Variants in C10orf67 observed in about 807,000 individuals in gnomAD.
C10orf67 encodes the protein uncharacterized protein C10orf67, mitochondrial.
Under a neutral mutation model 35.6 loss-of-function variants are expected in C10orf67, and 60 were observed. That is an observed-to-expected ratio of 1.68 (90% CI 1.37 to 2.09). The LOEUF is 2.09. Among genes scored for constraint, C10orf67 ranks in the 30% most tolerant of loss-of-function variants. The probability of loss-of-function intolerance (pLI) is 0.00; values close to 1 mark genes in which losing one functional copy is unlikely to be tolerated. For synonymous variants in C10orf67, 167 were observed against 115.8 expected (o/e 1.44, Z -2.84); for missense variants, 474 against 330.2 (o/e 1.44, Z -3.38).
rs1554817506 is a variant in C10orf67 at position 23,329,812 on chromosome 10, A to AAG, written c.327+3249_327+3250insCT. ...GAACTTGTCTCAAAAAAAAAAAAAAAAAAAGAAAAGAAAAGAAAAAAATTA... is the reference window on the plus strand; with the variant it reads ...GAACTTGTCTCAAAAAAAAAAAAAAAAGAAAAGAAAAGAAAAGAAAAAAATTA... On this transcript the variant is annotated intron_variant, in intron 2 of 15. Transcript: ENST00000636213. 1.3e-5 allele frequency among the ~76,000 whole-genome samples: 2 copies of AAG among 148,506 alleles called. 1 individual carries two copies. The highest frequency in any genetic ancestry group is 3.0e-5 in the Non-Finnish European group (2 of 67,464).
intron 4 of C10orf67, among the ~76,000 whole-genome samples, chr10:23,314,228 C>A (rs181566574): frequency 1.7e-4 from 26 of 152,040 alleles, no homozygotes; most frequent in Admixed American, 1.3e-4. Flanking sequence ...AACCAAACAA[C>A]AACAAAAAAC....
intron 7 of C10orf67, among the ~76,000 whole-genome samples, chr10:23,285,415 T>C (rs942566923): frequency 6.7e-6 from 1 of 149,670 alleles, no homozygotes; most frequent in African/African-American, 2.4e-5. Context: ...ATAACAAAGC[T>C]ATCAGAAATA....
Position 23,239,758 on chromosome 10 carries a change from C to G in C10orf67, c.1405G>C (p.Val469Leu), listed in dbSNP as rs1413005421. 6.0e-6 allele frequency: 4 copies of G among 661,568 alleles called. No homozygotes were observed. Among genetic ancestry groups the G allele is most frequent in the African/African-American group, 3.5e-5 (2 of 56,702 alleles). The allele number at this position is 661,568 out of a possible 1,614,324, so 41.0% of individuals were successfully genotyped here. The change falls in exon 13 of 16, where the codon GTG (valine) becomes CTG (leucine). Residue 469 changes from valine (V) to leucine (L), a missense_variant. By Grantham distance (32) the Val-to-Leu change is conservative. Transcript: ENST00000636213. ...TAATTGAAGGATGTGTCAGCAAGCA[C>G]TGCAAACTGACGAAACAGTGTGTGC... is the stretch of plus-strand genomic sequence containing the variant. ...TRHTLFRQFA[V>L]LADTSFNYIK...
chr10:23,266,097 G>C (rs754483941), intron 10 of C10orf67, among the ~76,000 whole-genome samples, 165 bp downstream of exon 10: 8 of 152,086 alleles, frequency 5.3e-5, no homozygotes, highest in African/African-American at 9.7e-5. Flanking sequence ...AAGTAAAGGA[G>C]GCTCACCCTG....
intron 15 of C10orf67, among the ~76,000 whole-genome samples, chr10:23,216,052 G>A (rs1013293499): frequency 3.0e-4 from 45 of 152,144 alleles, no homozygotes; most frequent in African/African-American, 1.1e-3. Context: ...AAAAAAGGGT[G>A]CCACTGACTG....
Position 23,297,498 on chromosome 10 carries a change from G to C in C10orf67, c.702+5806C>G, listed in dbSNP as rs187710606. ...TCTAGTGCCCGAGTGAGGGCTATTA[G>C]TTTTACCAGCTGAGCACTAGTTCCT... On this transcript the variant is annotated intron_variant, in intron 5 of 15. Transcript: ENST00000636213. Among the ~76,000 whole-genome samples, 20 of 152,230 alleles carry C rather than the reference G, an allele frequency of 1.3e-4. 1 individual carries two copies. The East Asian group carries it at 3.9e-3, about 29-fold the overall frequency.
At chr10:23,275,521 C>G (rs572274779) in intron 8 of C10orf67, among the ~76,000 whole-genome samples, 6 of 152,280 alleles carry the variant, frequency 3.9e-5, no homozygotes, top group African/African-American at 1.4e-4. Flanking sequence ...CACATTCATC[C>G]TGCAGGAATG....
At chr10:23,305,179 T>C (rs569973041) in intron 4 of C10orf67, among the ~76,000 whole-genome samples, 164 of 152,256 alleles carry the variant, frequency 1.1e-3, no homozygotes, top group Non-Finnish European at 2.0e-3. Flanking sequence ...AGAAAATGAA[T>C]ACAGTTCCAG....
chr10:23,330,612 C>T (rs567966196), intron 2 of C10orf67, among the ~76,000 whole-genome samples: 21 of 152,030 alleles, frequency 1.4e-4, no homozygotes, highest in African/African-American at 4.3e-4. Context: ...TGGTGGCCGG[C>T]GCCTGTAGTC....
rs565759934 is a variant in C10orf67 at position 23,242,241 on chromosome 10, T to C, written c.1347-2425A>G. Among the ~76,000 whole-genome samples, 3 of 152,250 alleles carry C rather than the reference T, an allele frequency of 2.0e-5. No homozygotes were observed. The East Asian group carries it at 5.8e-4, about 29-fold the overall frequency. ...ACCTCGGCCTCCCAAAGTGCTCGGA[T>C]TACAAGCGTGAGCCACCATGCCCGG... On this transcript the variant is annotated intron_variant, in intron 12 of 15. Transcript: ENST00000636213.
chr10:23,337,031 C>G (rs1167802757), intron 1 of C10orf67, among the ~76,000 whole-genome samples: 1 of 152,084 alleles, frequency 6.6e-6, no homozygotes. Flanking sequence ...GAAACAACCA[C>G]TGGCCATATA....
At chr10:23,343,968 C>T (rs1249072506) in intron 1 of C10orf67, 2 of 465,176 alleles carry the variant, frequency 4.3e-6, no homozygotes, top group Non-Finnish European at 8.9e-6. Context: ...TCCGGCCCTC[C>T]TCTGTCTCAG....
intron 7 of C10orf67, among the ~76,000 whole-genome samples, chr10:23,282,941 T>C (rs546366365): frequency 3.0e-4 from 46 of 151,194 alleles, no homozygotes; most frequent in Non-Finnish European, 5.8e-4. Flanking sequence ...GGTGGGGTAA[T>C]AGGGTTAATG....
chr10:23,264,222 C>A (rs950929578), intron 10 of C10orf67, among the ~76,000 whole-genome samples: 2 of 151,986 alleles, frequency 1.3e-5, no homozygotes, highest in African/African-American at 4.8e-5. Context: ...AAAGAATAAA[C>A]CACAGTGGAA....
At chr10:23,255,322 CAAA>C (rs1564474021) in intron 10 of C10orf67, among the ~76,000 whole-genome samples, 1 of 152,188 alleles carries the variant, frequency 6.6e-6, no homozygotes, top group African/African-American at 2.4e-5. Flanking sequence ...GCAAATCTTT[CAAA>C]AACAGGACAA....
chr10:23,336,852 A>G (rs113380755), intron 1 of C10orf67, among the ~76,000 whole-genome samples: 1 of 152,194 alleles, frequency 6.6e-6, no homozygotes, highest in Non-Finnish European at 1.5e-5. Flanking sequence ...CACTAAAAGC[A>G]ATGAAGTCTC....
intron 4 of C10orf67, among the ~76,000 whole-genome samples, chr10:23,303,919 A>C (rs908317804): frequency 5.9e-5 from 9 of 152,206 alleles, no homozygotes; most frequent in African/African-American, 2.2e-4. Context: ...GGCAGGCTGC[A>C]CCTAGGTGGC....
intron 1 of C10orf67, among the ~76,000 whole-genome samples, chr10:23,335,742 G>C (rs368899646): frequency 6.6e-6 from 1 of 152,226 alleles, no homozygotes; most frequent in East Asian, 1.9e-4. Flanking sequence ...CAGTAAACAA[G>C]TAAATAAAAA....
intron 2 of C10orf67, among the ~76,000 whole-genome samples, chr10:23,322,880 G>T (rs1845014275): frequency 6.6e-6 from 1 of 151,904 alleles, no homozygotes; most frequent in Admixed American, 6.6e-5. Context: ...TGGAAAAAAT[G>T]TACATTATGA....
Sources: gnomAD v4.1 joint callset for allele counts (sites outside exome capture counted in the v4.1 genomes callset) on GRCh38, gnomAD v4.1.1 for gene constraint, MANE v1.5 for transcripts, NCBI Gene and HGNC (gene_info 2026-07-23, HGNC 2026-07-21) for gene names.